DHRSX: variants seen among roughly 807,000 people sequenced by gnomAD.
DHRSX encodes the protein dehydrogenase/reductase X-linked.
A neutral mutation model predicts 34.0 loss-of-function variants in DHRSX; 31 were observed. That is an observed-to-expected ratio of 0.91 (90% CI 0.69 to 1.23). The LOEUF is 1.23. Ranked by LOEUF, DHRSX falls within the 50% of genes most tolerant of loss-of-function variation. The probability of loss-of-function intolerance (pLI) is 0.00; values close to 1 mark genes in which losing one functional copy is unlikely to be tolerated. For missense variants in DHRSX, 414 were observed against 428.1 expected, an observed-to-expected ratio of 0.97 and a Z score of 0.29; for synonymous variants, 201 against 183.8, an observed-to-expected ratio of 1.09 and a Z score of -0.76.
At chrX:2,239,420 A>AG (rs960451555) in intron 6 of DHRSX, among the ~76,000 whole-genome samples, 2 of 150,864 alleles carry the variant, frequency 1.3e-5, no homozygotes, top group Non-Finnish European at 3.0e-5. Context: ...AAAAAAAAAA[A>AG]TGCACAGCAG....
intron 1 of DHRSX, among the ~76,000 whole-genome samples, chrX:2,445,382 A>C (rs2044116948): frequency 6.6e-6 from 1 of 152,098 alleles, no homozygotes; most frequent in Admixed American, 6.5e-5. Flanking sequence ...TTCACCTTCA[A>C]AACAAGGAGC....
At chrX:2,272,691 T>TAA (rs1314735896) in intron 4 of DHRSX, among the ~76,000 whole-genome samples, 1 of 152,054 alleles carries the variant, frequency 6.6e-6, no homozygotes, top group Non-Finnish European at 1.5e-5. Context: ...CCCTCCCAGC[T>TAA]AAGCCCAGGT....
At chrX:2,465,395 A>G (rs1329874309) in intron 1 of DHRSX, among the ~76,000 whole-genome samples, 1 of 152,116 alleles carries the variant, frequency 6.6e-6, no homozygotes, top group Non-Finnish European at 1.5e-5. Flanking sequence ...TCCCTCCTCA[A>G]TCACGCCAAA....
At chrX:2,284,568 C>A (rs1227041475) in intron 4 of DHRSX, among the ~76,000 whole-genome samples, 3 of 152,166 alleles carry the variant, frequency 2.0e-5, no homozygotes, top group African/African-American at 7.2e-5. Flanking sequence ...CTTAGTAATT[C>A]ATTATCTCAG....
intron 6 of DHRSX, among the ~76,000 whole-genome samples, chrX:2,233,385 T>A (rs868603809): frequency 1.3e-4 from 16 of 123,554 alleles, no homozygotes; most frequent in Admixed American, 1.0e-3. Context: ...TTTTTTTTTT[T>A]AAATGACAAT....
intron 1 of DHRSX, chrX:2,489,037 C>T: frequency 6.2e-7 from 1 of 1,613,704 alleles, no homozygotes; most frequent in Non-Finnish European, 8.5e-7. Flanking sequence ...GCCACTCTTC[C>T]TGGTCCTCCA....
chrX:2,353,687 G>T (rs190843801), intron 3 of DHRSX, among the ~76,000 whole-genome samples: 1 of 150,878 alleles, frequency 6.6e-6, no homozygotes, highest in East Asian at 2.0e-4. Flanking sequence ...GGGTTCAAGC[G>T]ATTCTCCTGC....
intron 5 of DHRSX, among the ~76,000 whole-genome samples, chrX:2,261,218 A>C (rs1295959694): frequency 6.9e-6 from 1 of 144,674 alleles, no homozygotes; most frequent in Non-Finnish European, 1.5e-5. Context: ...CTTTCAAAAA[A>C]TAAAATAAAA....
chrX:2,260,364 T>C lies in DHRSX; in HGVS notation c.596+6376A>G, dbSNP rs559661513. On this transcript the variant is annotated intron_variant, in intron 5 of 6. Coordinates refer to ENST00000334651, the MANE Select transcript of DHRSX (RefSeq NM_145177.3). ...TCCCAGCTCCTGGGGGCTCCAGGCA[T>C]CCCTGGGTGTGTGGCCGCATCACTC... is the stretch of plus-strand genomic sequence containing the variant. Among the ~76,000 whole-genome samples, 184 of 152,050 alleles carry C rather than the reference T, an allele frequency of 1.2e-3. 1 individual carries two copies. The highest frequency in any genetic ancestry group is 0.01 in the Middle Eastern group (3 of 290).
intron 3 of DHRSX, among the ~76,000 whole-genome samples, chrX:2,399,876 T>A (rs924890899): frequency 2.1e-4 from 31 of 151,200 alleles, no homozygotes; most frequent in African/African-American, 6.6e-4. Context: ...CTAGAAAAAA[T>A]TTAAAAAACA....
At chrX:2,473,944 A>C in intron 1 of DHRSX, among the ~76,000 whole-genome samples, 1 of 150,004 alleles carries the variant, frequency 6.7e-6, no homozygotes. Flanking sequence ...GGATGCGGAC[A>C]GGGCAGGAGA....
chrX:2,412,184 A>C (rs1290551753), intron 2 of DHRSX, among the ~76,000 whole-genome samples: 1 of 152,148 alleles, frequency 6.6e-6, no homozygotes, highest in East Asian at 1.9e-4. Context: ...CTTCTGCTTC[A>C]TCCTTTGTAT....
At chrX:2,322,804 A>G (rs1465077570) in intron 3 of DHRSX, among the ~76,000 whole-genome samples, 1 of 152,250 alleles carries the variant, frequency 6.6e-6, no homozygotes, top group South Asian at 2.1e-4. Flanking sequence ...CTGCTCAACA[A>G]TAGGATATTC....
intron 5 of DHRSX, among the ~76,000 whole-genome samples, chrX:2,250,323 G>C (rs1427312722): frequency 3.9e-5 from 6 of 152,040 alleles, no homozygotes; most frequent in Non-Finnish European, 7.4e-5. Context: ...TCGTGAGAAA[G>C]AACTCCGAGT....
At chrX:2,312,024 C>A (rs1266755036) in intron 3 of DHRSX, among the ~76,000 whole-genome samples, 3 of 152,104 alleles carry the variant, frequency 2.0e-5, no homozygotes, top group Admixed American at 6.6e-5. Context: ...GAAAATCCAA[C>A]GGCATCAAAA....
intron 6 of DHRSX, among the ~76,000 whole-genome samples, chrX:2,226,433 T>C (rs1222008972): frequency 1.3e-5 from 2 of 152,148 alleles, no homozygotes; most frequent in Non-Finnish European, 2.9e-5. Context: ...CAAGGGTTCC[T>C]GCCAGCATTT....
intron 3 of DHRSX, among the ~76,000 whole-genome samples, chrX:2,356,015 G>A (rs1189332268): frequency 1.3e-5 from 2 of 149,956 alleles, no homozygotes; most frequent in African/African-American, 4.9e-5. Context: ...GCAGTGAGCC[G>A]AGATTGCGCC....
chrX:2,431,135 C>G (rs7054309), intron 1 of DHRSX, among the ~76,000 whole-genome samples: 22,950 of 151,904 alleles, frequency 0.15, 1,878 homozygotes, highest in Middle Eastern at 0.29. Context: ...ACCATCCTGG[C>G]TAACACGGTG....
intron 3 of DHRSX, among the ~76,000 whole-genome samples, chrX:2,373,988 G>C (rs1463952645): frequency 6.6e-6 from 1 of 152,194 alleles, no homozygotes; most frequent in African/African-American, 2.4e-5. Flanking sequence ...TCTTAGCATA[G>C]CAAGTTTGAG....
Sources: allele counts gnomAD v4.1 joint callset (sites outside exome capture counted in the v4.1 genomes callset), GRCh38; gene constraint gnomAD v4.1.1; transcripts MANE v1.5; gene names NCBI Gene and HGNC (gene_info 2026-07-23, HGNC 2026-07-21).